Variants in SPANXN3 observed in about 807,000 individuals in gnomAD.
SPANXN3 encodes the protein sperm protein associated with the nucleus on the X chromosome N3.
In SPANXN3, 1 loss-of-function variant was observed where a neutral mutation model predicts 1.9. The observed-to-expected ratio is 0.54, with a 90% confidence interval of 0.19 to 2.54. SPANXN3 has a LOEUF of 2.54. SPANXN3 is among the 30% of genes most tolerant of loss of function. The pLI is 0.24. For missense variants in SPANXN3, 113 were observed against 96.2 expected (o/e 1.17, Z -0.73); for synonymous variants, 47 against 40.0 (o/e 1.17, Z -0.66).
At chrX:143,517,012 C>T (rs190401636) in intron 1 of SPANXN3, among the ~76,000 whole-genome samples, 81 of 111,648 alleles carry the variant, frequency 7.3e-4, no homozygotes, top group Middle Eastern at 4.6e-3. Flanking sequence ...ACTTTCCTAT[C>T]ATATCTTGCT....
chrX:143,513,726 C>T (rs1426514807), intron 1 of SPANXN3, among the ~76,000 whole-genome samples: 2 of 112,111 alleles, frequency 1.8e-5, no homozygotes, highest in African/African-American at 6.5e-5. Context: ...TCCCTCTCCT[C>T]CTCCTTCCAA....
chrX:143,517,162 C>T (rs1362869119), intron 1 of SPANXN3, 152 bp downstream of exon 1: 2 of 651,876 alleles, frequency 3.1e-6, no homozygotes, highest in East Asian at 7.1e-5. Flanking sequence ...CCTACAAGCA[C>T]CCCAGCCTGT....
chrX:143,512,145 T>C (rs1449192502), intron 1 of SPANXN3, among the ~76,000 whole-genome samples: 2 of 110,212 alleles, frequency 1.8e-5, no homozygotes, highest in Non-Finnish European at 3.8e-5. Context: ...GGGTGGGACA[T>C]ATTAAGTAAA....
chrX:143,510,222 CCTTT>C (rs1929061456), intron 1 of SPANXN3: 1 of 111,379 alleles, frequency 9.0e-6, no homozygotes, highest in Admixed American at 9.6e-5. Flanking sequence ...TTTCTGGATT[CCTTT>C]CTATTTCTGC....
intron 1 of SPANXN3, among the ~76,000 whole-genome samples, chrX:143,515,752 C>T (rs1437058474): frequency 5.4e-5 from 6 of 111,154 alleles, no homozygotes; most frequent in Non-Finnish European, 1.1e-4. Flanking sequence ...GTCAACCTGG[C>T]CACATGAACT....
rs1446033123 is a variant in SPANXN3 at position 143,517,453 on chromosome X, A to T, written c.-62T>A. On this transcript the variant is annotated 5_prime_UTR_variant, in exon 1 of 2. Coordinates refer to ENST00000370503, the MANE Select transcript of SPANXN3 (RefSeq NM_001009609.4). The stretch of plus-strand genomic sequence containing the variant: ...CTGTAGACTGCAGACTTCCACAGCT[A>T]TGTTGAAGCTTCCCAGTGGGATGTC... 9 of 1,123,470 alleles carry T rather than the reference A, an allele frequency of 8.0e-6. No individual in the cohort carries two copies. The Admixed American group carries it at 1.3e-4, about 17-fold the overall frequency. The allele number at this position is 1,123,470 out of a possible 1,213,427, so 92.6% of individuals were successfully genotyped here.
chrX:143,509,214 A>G (rs111381212), intron 1 of SPANXN3, 52 bp from the exon 2 acceptor site: 23,173 of 1,038,060 alleles, frequency 0.022, 212 homozygotes, highest in Middle Eastern at 0.037. Context: ...GGTGAATAGG[A>G]TAGAGACTAG....
intron 1 of SPANXN3, chrX:143,516,811 T>A (rs1556412666): frequency 2.6e-5 from 3 of 116,687 alleles, no homozygotes; most frequent in Non-Finnish European, 5.3e-5. Flanking sequence ...AGCAGCCAGA[T>A]AATCAACAAT....
intron 1 of SPANXN3, among the ~76,000 whole-genome samples, chrX:143,514,117 G>C (rs1556412139): frequency 8.9e-6 from 1 of 112,037 alleles, no homozygotes; most frequent in Non-Finnish European, 1.9e-5. Context: ...TCCATTGCAA[G>C]GGGTGCCGAA....
chrX:143,515,794 T>G (rs1230089671), intron 1 of SPANXN3, among the ~76,000 whole-genome samples: 2 of 111,875 alleles, frequency 1.8e-5, no homozygotes, highest in African/African-American at 3.3e-5. Context: ...CTCACCTACT[T>G]GACCAGTTCA....
chrX:143,513,878 A>G (rs781845611), intron 1 of SPANXN3, among the ~76,000 whole-genome samples: 2 of 111,960 alleles, frequency 1.8e-5, no homozygotes, highest in East Asian at 5.7e-4. Flanking sequence ...ACCCCATGCT[A>G]CCTCTCAACA....
In SPANXN3 at chrX:143,516,057, A is replaced by G. The variant is rs368236379; in HGVS notation, c.78+1257T>C. ...CAAACAATTCCCTCAAGTGCAACCT[A>G]TATCCTTCTGCCCTGTCAGGGCTAC... On this transcript the variant is annotated intron_variant, in intron 1 of 1. Coordinates refer to ENST00000370503, the MANE Select transcript of SPANXN3 (RefSeq NM_001009609.4). Among the ~76,000 whole-genome samples the G allele has an allele frequency of 2.7e-5, 3 of 111,504 alleles. No homozygotes were observed. The Admixed American group carries it at 2.9e-4, about 11-fold the overall frequency.
intron 1 of SPANXN3, among the ~76,000 whole-genome samples, chrX:143,517,030 G>A (rs1929234856): frequency 9.0e-6 from 1 of 111,396 alleles, no homozygotes; most frequent in South Asian, 3.8e-4. Context: ...GCTGGGCAAA[G>A]TTTCAAGATA....
intron 1 of SPANXN3, among the ~76,000 whole-genome samples, chrX:143,514,275 G>A (rs1929165381): frequency 9.0e-6 from 1 of 110,985 alleles, no homozygotes; most frequent in South Asian, 3.9e-4. Flanking sequence ...TGCCATTCAG[G>A]AAAAAATTGT....
intron 1 of SPANXN3, among the ~76,000 whole-genome samples, chrX:143,513,665 G>A (rs1308565530): frequency 3.6e-5 from 4 of 111,202 alleles, no homozygotes; most frequent in African/African-American, 1.3e-4. Flanking sequence ...CCTCCTCCCT[G>A]TAAACACTTC....
chrX:143,508,831 T>C lies in SPANXN3; in HGVS notation c.410A>G (p.Asp137Gly). ...CATGTGTGACTAATCCTCCCCACTG[T>C]CCTGTGAAGATCCTTCAGATAAGCC... ...DLGLSEGSSQ[D>G]SGED Residue 137 changes from aspartate to glycine, a missense_variant, in exon 2 of 2, where the codon GAC becomes GGC. Physicochemically the swap from Asp to Gly is moderately conservative, Grantham distance 94. Transcript: ENST00000370503. The C allele has an allele frequency of 8.3e-7, 1 of 1,210,549 alleles. No individual in the cohort carries two copies. The highest frequency in any genetic ancestry group is 1.1e-6 in the Non-Finnish European group (1 of 894,420).
chrX:143,513,793 T>A (rs1372689049), intron 1 of SPANXN3, among the ~76,000 whole-genome samples: 4 of 112,043 alleles, frequency 3.6e-5, no homozygotes, highest in Non-Finnish European at 7.5e-5. Context: ...ATGGAAGCTC[T>A]TTTAGGGAGC....
At chrX:143,510,733 C>T (rs782721096) in intron 1 of SPANXN3, among the ~76,000 whole-genome samples, 11 of 110,099 alleles carry the variant, frequency 1.0e-4, no homozygotes, top group Non-Finnish European at 1.5e-4. Context: ...GCCTCCTCCT[C>T]GGGACAAGCC....
At chrX:143,517,013 A>G (rs1222679730) in intron 1 of SPANXN3, among the ~76,000 whole-genome samples, 7 of 111,564 alleles carry the variant, frequency 6.3e-5, no homozygotes, top group East Asian at 2.8e-4. Flanking sequence ...CTTTCCTATC[A>G]TATCTTGCTG....
Sources: gnomAD v4.1 joint callset for allele counts (sites outside exome capture counted in the v4.1 genomes callset) on GRCh38, gnomAD v4.1.1 for gene constraint, MANE v1.5 for transcripts, NCBI Gene and HGNC (gene_info 2026-07-23, HGNC 2026-07-21) for gene names.